Variants in PIP5K1B observed in about 807,000 individuals in gnomAD.
PIP5K1B encodes phosphatidylinositol 4-phosphate 5-kinase type-1 beta.
A neutral mutation model predicts 67.0 loss-of-function variants in PIP5K1B; 42 were observed. The ratio of observed to expected loss-of-function variants is 0.63; its 90% CI spans 0.49 to 0.81. The LOEUF is 0.81. Among genes scored for constraint, PIP5K1B ranks in the 30% least tolerant of loss-of-function variants. The pLI is 0.00. For synonymous variants in PIP5K1B, 214 were observed against 231.4 expected, an observed-to-expected ratio of 0.92 and a Z score of 0.68; for missense variants, 459 against 646.3, an observed-to-expected ratio of 0.71 and a Z score of 3.14.
At chr9:68,804,333 A>G (rs1832753249) in intron 2 of PIP5K1B, among the ~76,000 whole-genome samples, 1 of 152,178 alleles carries the variant, frequency 6.6e-6, no homozygotes, top group Non-Finnish European at 1.5e-5. Flanking sequence ...TTAGCTGTGC[A>G]TCAGAGAGGG....
At chr9:68,792,138 T>C (rs1832008342) in intron 2 of PIP5K1B, among the ~76,000 whole-genome samples, 1 of 152,250 alleles carries the variant, frequency 6.6e-6, no homozygotes. Flanking sequence ...CTTCCCTCTA[T>C]AAAGGCAATT....
intron 2 of PIP5K1B, among the ~76,000 whole-genome samples, chr9:68,765,842 T>A (rs551092405): frequency 6.6e-6 from 1 of 152,164 alleles, no homozygotes. Flanking sequence ...GGAATGACAA[T>A]TGATGTAGAC....
rs1373237517 is a variant in PIP5K1B, at chr9:68,903,315, G to C, written c.771+8677G>C. Among the ~76,000 whole-genome samples the C allele has an allele frequency of 2.0e-5, 3 of 152,272 alleles. No individual in the cohort carries two copies. In the South Asian group the frequency reaches 6.2e-4, roughly 32 times the overall value. ...TAGTCAATGCACATAATAAAAGCAGGTTTTAGTAATAACCTACACATGGTT... is the reference window on the plus strand; with the variant it reads ...TAGTCAATGCACATAATAAAAGCAGCTTTTAGTAATAACCTACACATGGTT... On this transcript the variant is annotated intron_variant, in intron 8 of 15. Transcript: ENST00000265382.
rs529998326 is a variant in PIP5K1B at position 68,992,884 on chromosome 9, C to T, written c.1620+1627C>T. Among the ~76,000 whole-genome samples, 18 of 139,218 alleles carry T rather than the reference C, an allele frequency of 1.3e-4. No homozygotes were observed. The South Asian group carries it at 3.2e-3, about 25-fold the overall frequency. 91.3% of individuals were successfully genotyped at this position (139,218 alleles called of 152,430 possible). ...AAAAAAAAAAAAAGTCCTGGCTGGG[C>T]GCAGTGGCTCACGCCTGTAATCCCA... On this transcript the variant is annotated intron_variant, in intron 15 of 15. Transcript: ENST00000265382.
chr9:68,950,170 T>C (rs1827988988), intron 14 of PIP5K1B, among the ~76,000 whole-genome samples: 1 of 152,226 alleles, frequency 6.6e-6, no homozygotes, highest in Non-Finnish European at 1.5e-5. Flanking sequence ...GCCCAGCAGC[T>C]ATTCGTGACC....
chr9:68,803,341 G>T (rs1419843448), intron 2 of PIP5K1B, among the ~76,000 whole-genome samples: 1 of 152,228 alleles, frequency 6.6e-6, no homozygotes, highest in Non-Finnish European at 1.5e-5. Flanking sequence ...ATCACAAGTA[G>T]GTTGCAGTTA....
At chr9:68,888,387 C>G (rs959382074) in intron 6 of PIP5K1B, among the ~76,000 whole-genome samples, 2 of 152,242 alleles carry the variant, frequency 1.3e-5, no homozygotes, top group African/African-American at 4.8e-5. Flanking sequence ...GGGCTAACCA[C>G]AGCCTTGAGA....
chr9:68,988,114 T>A (rs1391848616), intron 14 of PIP5K1B, among the ~76,000 whole-genome samples: 2 of 152,182 alleles, frequency 1.3e-5, no homozygotes, highest in African/African-American at 4.8e-5. Context: ...TGCAATTTAG[T>A]CTTCCCAAAC....
At chr9:68,780,491 C>A (rs575711149) in intron 2 of PIP5K1B, 1 of 1,614,078 alleles carries the variant, frequency 6.2e-7, no homozygotes, top group African/African-American at 1.3e-5. Flanking sequence ...AGGTGCAGAC[C>A]GCAATGCAGA....
intron 2 of PIP5K1B, among the ~76,000 whole-genome samples, chr9:68,787,051 T>C (rs768972452): frequency 6.6e-6 from 1 of 152,120 alleles, no homozygotes; most frequent in Non-Finnish European, 1.5e-5. Flanking sequence ...TGCACTGCGG[T>C]TATGGGATTG....
At chr9:68,735,543 C>G (rs1400252504) in intron 1 of PIP5K1B, among the ~76,000 whole-genome samples, 3 of 151,798 alleles carry the variant, frequency 2.0e-5, no homozygotes, top group Non-Finnish European at 4.4e-5. Context: ...CATGTGCTAC[C>G]ACGCCCAGCT....
At chr9:68,892,998 G>C (rs1824876858) in intron 7 of PIP5K1B, among the ~76,000 whole-genome samples, 1 of 152,020 alleles carries the variant, frequency 6.6e-6, no homozygotes, top group South Asian at 2.1e-4. Context: ...ACTTGAACCT[G>C]GGAGGCGGAG....
intron 13 of PIP5K1B, among the ~76,000 whole-genome samples, chr9:68,939,355 A>T (rs760817618): frequency 3.3e-5 from 5 of 152,224 alleles, no homozygotes; most frequent in Non-Finnish European, 7.3e-5. Flanking sequence ...GTCGAAGACC[A>T]GCTCCACCTA....
chr9:68,931,354 C>T (rs945111789), intron 12 of PIP5K1B, among the ~76,000 whole-genome samples: 1 of 152,126 alleles, frequency 6.6e-6, no homozygotes, highest in African/African-American at 2.4e-5. Context: ...CACTCGTGCA[C>T]CTATTATGTA....
At chr9:68,902,394 T>A (rs77401122) in intron 8 of PIP5K1B, among the ~76,000 whole-genome samples, 5 of 152,240 alleles carry the variant, frequency 3.3e-5, no homozygotes, top group Non-Finnish European at 5.9e-5. Flanking sequence ...GGCTTTTTTT[T>A]ACTCAGCATA....
At chr9:68,969,540 A>G (rs1348024811) in intron 14 of PIP5K1B, among the ~76,000 whole-genome samples, 2 of 151,108 alleles carry the variant, frequency 1.3e-5, no homozygotes, top group African/African-American at 4.9e-5. Flanking sequence ...CTAGGGGAAG[A>G]AAAAAAAACA....
intron 6 of PIP5K1B, among the ~76,000 whole-genome samples, chr9:68,888,706 T>C (rs532641067): frequency 2.6e-5 from 4 of 151,250 alleles, no homozygotes; most frequent in Non-Finnish European, 5.9e-5. Flanking sequence ...ATTATCTCAT[T>C]GGACTGATAG....
At chr9:68,915,455 G>A (rs1826049039) in intron 8 of PIP5K1B, among the ~76,000 whole-genome samples, 1 of 152,136 alleles carries the variant, frequency 6.6e-6, no homozygotes, top group Non-Finnish European at 1.5e-5. Context: ...TAAGAGTCTG[G>A]CCCTTGGTGC....
chr9:68,880,418 G>A (rs1411980046), intron 6 of PIP5K1B, among the ~76,000 whole-genome samples: 3 of 152,062 alleles, frequency 2.0e-5, no homozygotes, highest in Non-Finnish European at 4.4e-5. Flanking sequence ...AGCTGGGCAC[G>A]GTGGCATGAG....
Sources: gnomAD v4.1 joint callset for allele counts (sites outside exome capture counted in the v4.1 genomes callset) on GRCh38, gnomAD v4.1.1 for gene constraint, MANE v1.5 for transcripts, NCBI Gene and HGNC (gene_info 2026-07-23, HGNC 2026-07-21) for gene names.